SLC24A3: variants seen among roughly 807,000 people sequenced by gnomAD.
SLC24A3 encodes the protein solute carrier family 24 member 3, also known as sodium/potassium/calcium exchanger 3.
Under a neutral mutation model 75.8 loss-of-function variants are expected in SLC24A3, and 28 were observed. That is an observed-to-expected ratio of 0.37 (90% CI 0.27 to 0.51). SLC24A3 has a LOEUF of 0.51. Ranked by LOEUF, SLC24A3 falls within the 20% of genes least tolerant of loss-of-function variation. SLC24A3 has a pLI of 0.94. For synonymous variants in SLC24A3, 372 were observed against 334.1 expected (o/e 1.11, Z -1.24); for missense variants, 663 against 847.8 (o/e 0.78, Z 2.71).
chr20:19,627,056 C>T (rs934798532), intron 6 of SLC24A3, among the ~76,000 whole-genome samples: 2 of 152,198 alleles, frequency 1.3e-5, no homozygotes, highest in Non-Finnish European at 2.9e-5. Context: ...AGGAGCGAAG[C>T]CACTTAGAGC....
intron 12 of SLC24A3, among the ~76,000 whole-genome samples, chr20:19,688,273 G>A (rs968204696): frequency 1.4e-4 from 22 of 152,140 alleles, no homozygotes; most frequent in African/African-American, 4.3e-4. Flanking sequence ...CTTGGAGCAC[G>A]GAGAGGCTAG....
intron 1 of SLC24A3, among the ~76,000 whole-genome samples, chr20:19,259,535 G>A (rs1316343497): frequency 1.3e-5 from 2 of 152,338 alleles, no homozygotes; most frequent in Middle Eastern, 3.4e-3. Flanking sequence ...GCAAGGTGAT[G>A]TGACCACAGT....
At chr20:19,689,298 C>G (rs890429739) in intron 12 of SLC24A3, among the ~76,000 whole-genome samples, 2 of 152,224 alleles carry the variant, frequency 1.3e-5, no homozygotes, top group Non-Finnish European at 2.9e-5. Context: ...AACTTTTTCT[C>G]TCTTTGATAG....
intron 1 of SLC24A3, among the ~76,000 whole-genome samples, chr20:19,254,285 A>G (rs1379110856): frequency 6.6e-6 from 1 of 152,132 alleles, no homozygotes; most frequent in Non-Finnish European, 1.5e-5. Context: ...GGGTTCCCTC[A>G]CAAGTCACAG....
intron 2 of SLC24A3, among the ~76,000 whole-genome samples, chr20:19,298,723 C>A (rs1490493352): frequency 1.3e-5 from 2 of 152,206 alleles, no homozygotes; most frequent in Non-Finnish European, 2.9e-5. Flanking sequence ...CTTTGCCAGG[C>A]AGATCTTTTT....
At chr20:19,421,404 C>T (rs1245205082) in intron 2 of SLC24A3, among the ~76,000 whole-genome samples, 3 of 151,050 alleles carry the variant, frequency 2.0e-5, no homozygotes, top group African/African-American at 7.3e-5. Context: ...AGACACTTCT[C>T]AAAAGAAGAC....
At chr20:19,517,759 G>A (rs1306199005) in intron 3 of SLC24A3, among the ~76,000 whole-genome samples, 1 of 152,222 alleles carries the variant, frequency 6.6e-6, no homozygotes, top group East Asian at 1.9e-4. Flanking sequence ...CAAGGCCCTT[G>A]CAGGTTTTCT....
At chr20:19,479,994 A>G (rs1201433375) in intron 2 of SLC24A3, among the ~76,000 whole-genome samples, 1 of 152,220 alleles carries the variant, frequency 6.6e-6, no homozygotes, top group Non-Finnish European at 1.5e-5. Context: ...CCTTCCCTCT[A>G]TCAAAAGGGA....
At chr20:19,525,153 G>C (rs750658103) in intron 3 of SLC24A3, among the ~76,000 whole-genome samples, 6 of 152,130 alleles carry the variant, frequency 3.9e-5, no homozygotes, top group Admixed American at 3.3e-4. Flanking sequence ...TTATATAGTA[G>C]AGACTCCAGA....
chr20:19,344,007 A>C (rs1985333846), intron 2 of SLC24A3, among the ~76,000 whole-genome samples: 1 of 152,336 alleles, frequency 6.6e-6, no homozygotes, highest in African/African-American at 2.4e-5. Context: ...AGACCTTAGT[A>C]ATAGACCCTG....
chr20:19,310,731 C>T (rs1295288014), intron 2 of SLC24A3, among the ~76,000 whole-genome samples: 1 of 152,222 alleles, frequency 6.6e-6, no homozygotes, highest in Non-Finnish European at 1.5e-5. Context: ...CTGCCTTCAG[C>T]TTCCAGTTAC....
intron 1 of SLC24A3, among the ~76,000 whole-genome samples, chr20:19,268,283 A>G (rs1018184896): frequency 2.6e-5 from 4 of 152,188 alleles, no homozygotes; most frequent in African/African-American, 7.2e-5. Context: ...TTGTGAATTC[A>G]TATTTTAAAT....
intron 2 of SLC24A3, among the ~76,000 whole-genome samples, chr20:19,423,379 G>A (rs938110116): frequency 6.6e-6 from 1 of 152,136 alleles, no homozygotes; most frequent in Non-Finnish European, 1.5e-5. Context: ...GCCTTTGCTC[G>A]GTCTGAAAAA....
At chr20:19,487,735 C>CTGTAT (rs1457111858) in intron 2 of SLC24A3, among the ~76,000 whole-genome samples, 1 of 152,168 alleles carries the variant, frequency 6.6e-6, no homozygotes, top group African/African-American at 2.4e-5. Flanking sequence ...CTGTATGCCA[C>CTGTAT]GCTAATATCC....
chr20:19,510,919 CTCTT>C (rs773559790), intron 2 of SLC24A3, among the ~76,000 whole-genome samples: 41 of 152,338 alleles, frequency 2.7e-4, no homozygotes, highest in Middle Eastern at 6.8e-3. Flanking sequence ...TCACCTGTGA[CTCTT>C]TCTAGGGCCT....
At chr20:19,468,312 G>A (rs1216731146) in intron 2 of SLC24A3, among the ~76,000 whole-genome samples, 3 of 152,168 alleles carry the variant, frequency 2.0e-5, no homozygotes, top group African/African-American at 7.2e-5. Flanking sequence ...GGAGTAGAAA[G>A]GGAGATGTTA....
At chr20:19,594,609 G>GA (rs34560451) in intron 6 of SLC24A3, among the ~76,000 whole-genome samples, 1 of 152,214 alleles carries the variant, frequency 6.6e-6, no homozygotes. Flanking sequence ...AGGCACTAGA[G>GA]AAAAAATTAC....
At chr20:19,265,899 A>C (rs1021053364) in intron 1 of SLC24A3, 2 of 153,030 alleles carry the variant, frequency 1.3e-5, no homozygotes, top group East Asian at 1.9e-4. Flanking sequence ...AGGATGTGGG[A>C]CTTTGGCCTT....
Position 19,561,345 on chromosome 20 carries a change from C to T in SLC24A3, c.349-18655C>T, listed in dbSNP as rs181520695. On this transcript the variant is annotated intron_variant, in intron 3 of 16. Coordinates refer to ENST00000328041, the MANE Select transcript of SLC24A3 (RefSeq NM_020689.4). Reference sequence around the variant, plus strand: ...AGGGGCAGATTGGATTTTACCACTGCGTTGGTCATCCCTGATGACCGCTGG... The same window carrying T: ...AGGGGCAGATTGGATTTTACCACTGTGTTGGTCATCCCTGATGACCGCTGG... 1.2e-4 allele frequency among the ~76,000 whole-genome samples: 19 copies of T among 152,202 alleles called. No homozygotes were observed. The East Asian group carries it at 3.1e-3, about 25-fold the overall frequency.
Sources: gnomAD v4.1 joint callset for allele counts (sites outside exome capture counted in the v4.1 genomes callset) on GRCh38, gnomAD v4.1.1 for gene constraint, MANE v1.5 for transcripts, NCBI Gene and HGNC (gene_info 2026-07-23, HGNC 2026-07-21) for gene names.